ZFHX3: variants seen among roughly 807,000 people sequenced by gnomAD.
ZFHX3 encodes the protein zinc finger homeobox 3.
In ZFHX3, 42 loss-of-function variants were observed where a neutral mutation model predicts 279.1. The ratio of observed to expected loss-of-function variants is 0.15; its 90% CI spans 0.12 to 0.19. The LOEUF (loss-of-function observed/expected upper bound fraction) is 0.19, where lower values mean the gene tolerates loss of function less well. ZFHX3 is among the 10% of genes least tolerant of loss of function. The probability of loss-of-function intolerance (pLI) is 1.00; values close to 1 mark genes in which losing one functional copy is unlikely to be tolerated. For synonymous variants in ZFHX3, 2,293 were observed against 1,957.8 expected (o/e 1.17, Z -4.52); for missense variants, 4,981 against 4,754.0 (o/e 1.05, Z -1.40).
At chr16:73,379,202 A>ATGGAGGAGTAAAGGTGTTAAGGGCAAG (rs1167120521) in intron 3 of ZFHX3, among the ~76,000 whole-genome samples, 2 of 152,154 alleles carry the variant, frequency 1.3e-5, no homozygotes, top group East Asian at 3.9e-4. Context: ...TTTCTTAGTC[A>ATGGAGGAGTAAAGGTGTTAAGGGCAAG]TGGAGGAGTA....
intron 4 of ZFHX3, among the ~76,000 whole-genome samples, chr16:72,834,065 A>T (rs1199187598): frequency 6.6e-6 from 1 of 152,030 alleles, no homozygotes; most frequent in Non-Finnish European, 1.5e-5. Context: ...TGGGCAAGAG[A>T]GTGAGACTCC....
upstream of ZFHX3, among the ~76,000 whole-genome samples, chr16:73,052,948 A>G (rs544807410): frequency 2.4e-4 from 37 of 152,328 alleles, no homozygotes; most frequent in Middle Eastern, 6.8e-3. Context: ...GAGAGGTGAC[A>G]GGGGCTTTCA....
At chr16:73,766,958 T>C (rs1478426231) in intron 1 of ZFHX3, among the ~76,000 whole-genome samples, 1 of 145,028 alleles carries the variant, frequency 6.9e-6, no homozygotes, top group Non-Finnish European at 1.5e-5. Context: ...TTTTCCGAGA[T>C]GGAGTCTTAC....
chr16:73,488,247 C>G (rs9933786), intron 2 of ZFHX3, among the ~76,000 whole-genome samples: 8 of 152,240 alleles, frequency 5.3e-5, no homozygotes, highest in African/African-American at 1.9e-4. Flanking sequence ...TTAGGGCTGG[C>G]TGATCAGAAG....
At chr16:73,597,236 G>A (rs769803292) in intron 2 of ZFHX3, among the ~76,000 whole-genome samples, 2 of 152,064 alleles carry the variant, frequency 1.3e-5, no homozygotes, top group Non-Finnish European at 2.9e-5. Flanking sequence ...CTTCCATGAC[G>A]CCTTCCCTGA....
At chr16:73,289,944 G>C (rs1329126885) in intron 4 of ZFHX3, among the ~76,000 whole-genome samples, 1 of 151,888 alleles carries the variant, frequency 6.6e-6, no homozygotes, top group Non-Finnish European at 1.5e-5. Flanking sequence ...GAGGAAAGGT[G>C]GTTTCTGAGC....
chr16:73,063,964 C>G (rs1353409095), upstream of ZFHX3, among the ~76,000 whole-genome samples: 2 of 152,110 alleles, frequency 1.3e-5, no homozygotes, highest in Admixed American at 6.5e-5. Flanking sequence ...TGAGGGTCCC[C>G]GCGCCCAGGT....
At chr16:73,415,333 A>G (rs2143473225) in intron 3 of ZFHX3, among the ~76,000 whole-genome samples, 1 of 152,358 alleles carries the variant, frequency 6.6e-6, no homozygotes, top group Non-Finnish European at 1.5e-5. Context: ...TATAGAGGAT[A>G]AAAGTGAAAC....
intron 3 of ZFHX3, among the ~76,000 whole-genome samples, chr16:73,383,702 G>A (rs2016853728): frequency 6.6e-6 from 1 of 151,936 alleles, no homozygotes; most frequent in African/African-American, 2.4e-5. Flanking sequence ...GGCAGTGTTA[G>A]CTCCCCTCCA....
intron 3 of ZFHX3, among the ~76,000 whole-genome samples, chr16:73,354,184 C>A (rs533341713): frequency 6.6e-6 from 1 of 152,294 alleles, no homozygotes; most frequent in Non-Finnish European, 1.5e-5. Flanking sequence ...TTTAGGACAT[C>A]CTTATGCTAA....
At chr16:73,635,847 CA>C (rs2052522732) in intron 2 of ZFHX3, among the ~76,000 whole-genome samples, 1 of 152,144 alleles carries the variant, frequency 6.6e-6, no homozygotes. Flanking sequence ...TTTCCTTTAC[CA>C]TAAAACTACT....
intron 7 of ZFHX3, among the ~76,000 whole-genome samples, chr16:73,121,868 G>A (rs962884537): frequency 6.6e-6 from 1 of 152,012 alleles, no homozygotes; most frequent in Non-Finnish European, 1.5e-5. Flanking sequence ...ACCTGCCTCG[G>A]CCTCCGAAAG....
In ZFHX3 at chr16:72,793,344, G is replaced by A. The variant is rs1260819033; in HGVS notation, c.9338C>T (p.Thr3113Ile). Residue 3113 changes from threonine (T) to isoleucine (I), a missense_variant, in exon 9 of 10, where the codon ACA (threonine) becomes ATA (isoleucine). Physicochemically the swap from Thr to Ile is moderately conservative, Grantham distance 89. Around this residue, in one of 7 missense-constraint regions of ZFHX3, gnomAD observed 1,034 missense variants for 786.0 expected, o/e 1.32. Coordinates refer to ENST00000268489, the MANE Select transcript of ZFHX3 (RefSeq NM_006885.4). The surrounding 1 kb of genome is among the most constrained non-coding windows in gnomAD (Gnocchi z 4.3). Reference sequence around the variant, plus strand: ...AATGCCCTGGAGCGCTGGATATGCTGTAGGAAGGTTAAGGGCCTGAAGAGG... The same window carrying A: ...AATGCCCTGGAGCGCTGGATATGCTATAGGAAGGTTAAGGGCCTGAAGAGG... ...NTPLQALNLP[T>I]AYPALQGIPP... The A allele has an allele frequency of 9.9e-6, 16 of 1,614,090 alleles. No individual in the cohort carries two copies. Among genetic ancestry groups the A allele is most frequent in the Non-Finnish European group, 1.3e-5 (15 of 1,180,034 alleles).
At chr16:73,439,932 A>AC (rs2018060170) in intron 3 of ZFHX3, among the ~76,000 whole-genome samples, 3 of 107,824 alleles carry the variant, frequency 2.8e-5, no homozygotes, top group African/African-American at 1.3e-4. Flanking sequence ...AAAAAAAAAA[A>AC]CACAAAAAAA....
chr16:73,573,921 C>T (rs530227963), intron 2 of ZFHX3, among the ~76,000 whole-genome samples: 2 of 152,310 alleles, frequency 1.3e-5, no homozygotes, highest in South Asian at 2.1e-4. Flanking sequence ...TGCTGGTCCA[C>T]CCATACCTAC....
intron 1 of ZFHX3, among the ~76,000 whole-genome samples, chr16:72,979,549 T>C (rs1962496755): frequency 6.6e-6 from 1 of 152,158 alleles, no homozygotes; most frequent in African/African-American, 2.4e-5. Flanking sequence ...TGGCAATGTG[T>C]CCAACCAAAA....
chr16:73,125,250 G>A (rs769250992), intron 7 of ZFHX3: 5 of 149,206 alleles, frequency 3.4e-5, no homozygotes, highest in Non-Finnish European at 7.4e-5. Flanking sequence ...TCATGGAGGA[G>A]GTCTGCTTTG....
chr16:72,838,913 T>A (rs1198756036), intron 4 of ZFHX3, among the ~76,000 whole-genome samples: 4 of 152,002 alleles, frequency 2.6e-5, no homozygotes, highest in Admixed American at 6.5e-5. Context: ...TTTTTTTTTT[T>A]AATAACTGAA....
intron 2 of ZFHX3, among the ~76,000 whole-genome samples, chr16:73,678,356 A>G (rs759839047): frequency 6.6e-6 from 1 of 152,134 alleles, no homozygotes; most frequent in Non-Finnish European, 1.5e-5. Flanking sequence ...TTCAAAGAGT[A>G]TATTCTAATT....
Sources: allele counts gnomAD v4.1 joint callset (sites outside exome capture counted in the v4.1 genomes callset), GRCh38; gene constraint gnomAD v4.1.1; regional missense constraint gnomAD v4.1.1; non-coding constraint Gnocchi (gnomAD v3.1); transcripts MANE v1.5; gene names NCBI Gene and HGNC (gene_info 2026-07-23, HGNC 2026-07-21).